SARDH: variants seen among roughly 807,000 people sequenced by gnomAD.
SARDH encodes the protein sarcosine dehydrogenase.
In SARDH, 95 loss-of-function variants were observed where a neutral mutation model predicts 109.1. The observed-to-expected ratio is 0.87, with a 90% CI of 0.74 to 1.03. SARDH has a LOEUF of 1.03. Among genes scored for constraint, SARDH ranks in the 50% least tolerant of loss-of-function variants. The probability of loss-of-function intolerance (pLI) is 0.00; values close to 1 mark genes in which losing one functional copy is unlikely to be tolerated. For missense variants in SARDH, 1,267 were observed against 1,287.8 expected, an observed-to-expected ratio of 0.98 and a Z score of 0.25; for synonymous variants, 572 against 534.8, an observed-to-expected ratio of 1.07 and a Z score of -0.96.
At position 133,712,643 on chromosome 9, in the gene SARDH, T is replaced by C. The variant is rs142630803; in HGVS notation, c.1304A>G (p.Lys435Arg). 6 of 1,610,098 alleles carry C rather than the reference T, an allele frequency of 3.7e-6. No homozygotes were observed. In the African/African-American group the frequency reaches 6.7e-5, roughly 18 times the overall value. ...CCTGATGTCATAGCCATGCATGTCC[T>C]TCTCCGGGCGCCCATGGATGATCCA... ...AHWIIHGRPE[K>R]DMHGYDIRRF... is the part of the protein sequence containing the mutation. The change falls in exon 10 of 21, where the codon AAG becomes AGG. Residue 435 changes from lysine to arginine, a missense_variant. Coordinates refer to ENST00000439388, the MANE Select transcript of SARDH (RefSeq NM_001134707.2). This position sits in a 1 kb window ranked among gnomAD's most constrained non-coding sequence, Gnocchi z 4.1.
chr9:133,685,159 C>T (rs1221406878), intron 17 of SARDH, 34 bp downstream of exon 17: 15 of 1,597,498 alleles, frequency 9.4e-6, no homozygotes, highest in East Asian at 2.2e-5. Flanking sequence ...TGCTGCCACC[C>T]ACGACCCAGA....
At position 133,666,646 on chromosome 9, in the gene SARDH, C is replaced by G. The variant is rs997571446; in HGVS notation, c.2631+89G>C. The G allele has an allele frequency of 4.6e-6, 7 of 1,515,624 alleles. No homozygotes were observed. In the Admixed American group the frequency reaches 8.0e-5, roughly 17 times the overall value. 93.9% of individuals were successfully genotyped at this position (1,515,624 alleles called of 1,614,324 possible). Reference sequence around the variant, plus strand: ...CACACCCGTGCCTCCTCCCTATGCCCGGCACACTCAGGGTGCAGTGCAGGG... The same window carrying G: ...CACACCCGTGCCTCCTCCCTATGCCGGGCACACTCAGGGTGCAGTGCAGGG... On this transcript the variant is annotated intron_variant, in intron 20 of 20. Transcript: ENST00000439388. This position sits in a 1 kb window ranked among gnomAD's most constrained non-coding sequence, Gnocchi z 5.2.
At position 133,711,982 on chromosome 9, in the gene SARDH, G is replaced by T. The variant is rs1287615245; in HGVS notation, c.1328+637C>A. On this transcript the variant is annotated intron_variant, in intron 10 of 20. Transcript: ENST00000439388. Reference sequence around the variant, plus strand: ...GCTCTGCAAGAGATGGCCCTGACTGGCAGAAGGCCATCGGGATAGGCTGCC... The same window carrying T: ...GCTCTGCAAGAGATGGCCCTGACTGTCAGAAGGCCATCGGGATAGGCTGCC... 2.6e-5 allele frequency among the ~76,000 whole-genome samples: 4 copies of T among 152,214 alleles called. No individual in the cohort carries two copies. In the East Asian group the frequency reaches 7.7e-4, roughly 29 times the overall value.
At position 133,692,270 on chromosome 9, in the gene SARDH, G is replaced by A. The variant is rs1234625554; in HGVS notation, c.1922-1743C>T. ...GTGGCAGGACCTGGCCAGGATTTTT[G>A]GTGACCTGTGTCCTCATTTTGGCCC... On this transcript the variant is annotated intron_variant, in intron 15 of 20. Transcript: ENST00000439388. This position sits in a 1 kb window ranked among gnomAD's most constrained non-coding sequence, Gnocchi z 5.0. Among the ~76,000 whole-genome samples the A allele has an allele frequency of 6.6e-6, 1 of 152,126 alleles. No individual in the cohort carries two copies. Among genetic ancestry groups the A allele is most frequent in the Non-Finnish European group, 1.5e-5 (1 of 68,006 alleles).
downstream of SARDH, among the ~76,000 whole-genome samples, chr9:133,662,618 C>G (rs1321281395): frequency 6.6e-6 from 1 of 152,234 alleles, no homozygotes; most frequent in Admixed American, 6.5e-5. This position sits in a 1 kb window ranked among gnomAD's most constrained non-coding sequence, Gnocchi z 5.1. Context: ...AAACGTCTGC[C>G]CACAGCTTTG....
At chr9:133,685,438 A>T in intron 16 of SARDH, 152 bp from the exon 17 acceptor site, 2 of 617,168 alleles carry the variant, frequency 3.2e-6, no homozygotes, top group Non-Finnish European at 5.6e-6. Context: ...ACACCAAGAC[A>T]GATGTACGTT....
intron 19 of SARDH, among the ~76,000 whole-genome samples, chr9:133,669,459 C>G (rs1409733050): frequency 6.6e-6 from 1 of 150,970 alleles, no homozygotes; most frequent in Non-Finnish European, 1.5e-5. Context: ...CCGCCCACTT[C>G]CCCGGATACC....
At chr9:133,733,084 GGCTGGCGAAAC>G (rs1455789465) in intron 2 of SARDH, among the ~76,000 whole-genome samples, 1 of 152,212 alleles carries the variant, frequency 6.6e-6, no homozygotes, top group Non-Finnish European at 1.5e-5. Flanking sequence ...CCAGGGGTGT[GGCTGGCGAAAC>G]GTCAGGGAAG....
At chr9:133,661,639 G>A (rs977518000), downstream of SARDH, among the ~76,000 whole-genome samples, 4 of 151,950 alleles carry the variant, frequency 2.6e-5, no homozygotes, top group South Asian at 4.2e-4. Context: ...GTGCCACCAC[G>A]CCCAGCTAAT....
At chr9:133,661,439 C>T (rs1304302674), downstream of SARDH, among the ~76,000 whole-genome samples, 1 of 151,992 alleles carries the variant, frequency 6.6e-6, no homozygotes, top group African/African-American at 2.4e-5. Context: ...TCTCACTGCA[C>T]ACTGTGGTAT....
intron 11 of SARDH, 39 bp downstream of exon 11, chr9:133,708,248 C>T (rs776764378): frequency 1.9e-6 from 3 of 1,592,564 alleles, no homozygotes; most frequent in Non-Finnish European, 2.6e-6. Context: ...GTCCCAGACC[C>T]TCGCTGCCAG....
Position 133,731,449 on chromosome 9 carries a change from C to T in SARDH, c.546G>A (p.Leu182=). 4 of 1,614,122 alleles carry T rather than the reference C, an allele frequency of 2.5e-6. No homozygotes were observed. The highest frequency in any genetic ancestry group is 3.4e-6 in the Non-Finnish European group (4 of 1,180,008). Residue 182 remains leucine, a synonymous_variant, in exon 4 of 21, where the codon CTG becomes CTA. Coordinates refer to ENST00000439388, the MANE Select transcript of SARDH (RefSeq NM_001134707.2). ...GKAYGVESHV[L]SPAETKTLYP... ...ACAGAGTCTTGGTCTCTGCCGGGCTCAGCACATGGGATTCCACACCATACG... is the reference window on the plus strand; with the variant it reads ...ACAGAGTCTTGGTCTCTGCCGGGCTTAGCACATGGGATTCCACACCATACG...
intron 6 of SARDH, chr9:133,725,480 CT>C: frequency 2.4e-6 from 1 of 423,036 alleles, no homozygotes; most frequent in Non-Finnish European, 4.7e-6. Context: ...CGAGACCAGC[CT>C]TGGCAACATG....
intron 4 of SARDH, among the ~76,000 whole-genome samples, chr9:133,730,924 C>G (rs1318064051): frequency 6.6e-6 from 1 of 152,132 alleles, no homozygotes; most frequent in Non-Finnish European, 1.5e-5. Flanking sequence ...TTGCAGTGAG[C>G]AGTGATCATG....
chr9:133,720,784 A>G (rs1220121571), intron 6 of SARDH, among the ~76,000 whole-genome samples: 1 of 152,170 alleles, frequency 6.6e-6, no homozygotes, highest in Non-Finnish European at 1.5e-5. Context: ...CCCTTGACAC[A>G]TGGGGATTAT....
intron 17 of SARDH, among the ~76,000 whole-genome samples, chr9:133,680,093 A>G (rs1453262581): frequency 6.6e-6 from 1 of 152,232 alleles, no homozygotes; most frequent in East Asian, 1.9e-4. Context: ...ACAAGATATT[A>G]TTTAGGAGAA....
rs904915118 is a variant in SARDH at position 133,728,225 on chromosome 9, G to T, written c.915+1540C>A. On this transcript the variant is annotated intron_variant, in intron 6 of 20. Transcript: ENST00000439388. This position sits in a 1 kb window ranked among gnomAD's most constrained non-coding sequence, Gnocchi z 5.0. ...GCGCACAGGAGTCAGAGGCAGCAGC[G>T]CACTGGGACCCAGGTTCCGGCCCCA... 6.6e-6 allele frequency among the ~76,000 whole-genome samples: 1 copy of T among 152,172 alleles called. No homozygotes were observed. Among genetic ancestry groups the T allele is most frequent in the Non-Finnish European group, 1.5e-5 (1 of 68,020 alleles).
intron 17 of SARDH, among the ~76,000 whole-genome samples, chr9:133,673,419 C>G (rs1830416724): frequency 6.6e-6 from 1 of 152,218 alleles, no homozygotes; most frequent in Non-Finnish European, 1.5e-5. Context: ...GAGCTGATTC[C>G]ACCACTGCTC....
rs937345049 is a variant in SARDH, at chr9:133,704,535, C to G, written c.1554+413G>C. Among the ~76,000 whole-genome samples, 4 of 152,136 alleles carry G rather than the reference C, an allele frequency of 2.6e-5. No homozygotes were observed. Among genetic ancestry groups the G allele is most frequent in the African/African-American group, 9.7e-5 (4 of 41,428 alleles). ...GTGCATCAACCTGCCCAGTGCCTGC[C>G]CTCCTACGGACATAAACCAACAGTC... On this transcript the variant is annotated intron_variant, in intron 12 of 20. Coordinates refer to ENST00000439388, the MANE Select transcript of SARDH (RefSeq NM_001134707.2). The surrounding 1 kb of genome is among the most constrained non-coding windows in gnomAD (Gnocchi z 4.5).
Sources: gnomAD v4.1 joint callset for allele counts (sites outside exome capture counted in the v4.1 genomes callset) on GRCh38, gnomAD v4.1.1 for gene constraint, Gnocchi (gnomAD v3.1) non-coding constraint, MANE v1.5 for transcripts, NCBI Gene and HGNC (gene_info 2026-07-23, HGNC 2026-07-21) for gene names.